Variants in HAO2 observed in about 807,000 individuals in gnomAD.
HAO2 encodes hydroxyacid oxidase 2.
Under a neutral mutation model 37.4 loss-of-function variants are expected in HAO2, and 42 were observed. That is an observed-to-expected ratio of 1.12 (90% CI 0.88 to 1.45). The LOEUF (loss-of-function observed/expected upper bound fraction) is 1.45. Ranked by LOEUF, HAO2 falls within the 40% of genes most tolerant of loss-of-function variation. HAO2 has a pLI of 0.00. For synonymous variants in HAO2, 180 were observed against 162.8 expected (o/e 1.11, Z -0.81); for missense variants, 476 against 430.2 (o/e 1.11, Z -0.94).
intron 5 of HAO2, among the ~76,000 whole-genome samples, chr1:119,387,573 G>A (rs187029610): frequency 3.3e-5 from 5 of 152,186 alleles, no homozygotes; most frequent in South Asian, 2.1e-4. Flanking sequence ...TATCACTAAC[G>A]TCAACATTTT....
At chr1:119,393,075 T>C (rs1651038815) in intron 7 of HAO2, among the ~76,000 whole-genome samples, 1 of 152,170 alleles carries the variant, frequency 6.6e-6, no homozygotes, top group African/African-American at 2.4e-5. Context: ...TTGTGAATAA[T>C]ACATTTTGCC....
At chr1:119,374,878 T>G (rs1181394095) in intron 1 of HAO2, among the ~76,000 whole-genome samples, 1 of 152,216 alleles carries the variant, frequency 6.6e-6, no homozygotes, top group Non-Finnish European at 1.5e-5. Context: ...ACTTCCTTCC[T>G]CCTTCCCTCA....
chr1:119,372,426 G>T (rs968235797), intron 1 of HAO2, among the ~76,000 whole-genome samples: 1 of 152,080 alleles, frequency 6.6e-6, no homozygotes, highest in African/African-American at 2.4e-5. Flanking sequence ...TTGACATAAG[G>T]GACTACATAG....
Position 119,392,671 on chromosome 1 carries a change from T to C in HAO2, c.984T>C (p.Thr328=). ...VLNILTNEFH[T]SMALTGCRSV... ...ACATTTTAACAAATGAGTTCCACAC[T>C]TCCATGGCCCTTACAGGTAAGTTAA... The change falls in exon 7 of 8, where the codon ACT becomes ACC. Residue 328 remains threonine (T), a synonymous_variant. Transcript: ENST00000325945. 1.2e-6 allele frequency: 2 copies of C among 1,601,554 alleles called. No homozygotes were observed. Among genetic ancestry groups the C allele is most frequent in the South Asian group, 1.1e-5 (1 of 90,792 alleles).
intron 3 of HAO2, among the ~76,000 whole-genome samples, chr1:119,384,239 C>A (rs952775851): frequency 1.3e-5 from 2 of 152,256 alleles, no homozygotes; most frequent in African/African-American, 4.8e-5. Flanking sequence ...ATTCAGTCTC[C>A]CAACAATCCT....
At chr1:119,369,641 G>C (rs150652697) in intron 1 of HAO2, among the ~76,000 whole-genome samples, 24 of 152,298 alleles carry the variant, frequency 1.6e-4, no homozygotes, top group African/African-American at 5.3e-4. Context: ...GAGATAGACA[G>C]TAATAACCTA....
intron 1 of HAO2, among the ~76,000 whole-genome samples, chr1:119,372,450 G>T (rs1649110356): frequency 6.6e-6 from 1 of 152,118 alleles, no homozygotes; most frequent in South Asian, 2.1e-4. Flanking sequence ...AATTATTTTT[G>T]GTTTGCAAAT....
intron 1 of HAO2, chr1:119,380,476 T>C (rs143116491): frequency 0.016 from 7,844 of 482,678 alleles, 145 homozygotes; most frequent in Admixed American, 0.021. Context: ...AACTTTGTCT[T>C]GTCCTTTCCC....
At chr1:119,391,682 T>C (rs587631891) in intron 5 of HAO2, among the ~76,000 whole-genome samples, 3 of 152,302 alleles carry the variant, frequency 2.0e-5, no homozygotes, top group African/African-American at 7.2e-5. Context: ...CAAGTGTACT[T>C]GTCTTGCCAA....
chr1:119,381,039 C>T (rs1649883419), intron 1 of HAO2, 39 bp from the exon 2 acceptor site: 1 of 1,590,844 alleles, frequency 6.3e-7, no homozygotes, highest in African/African-American at 1.3e-5. Context: ...CTGAAGTGTT[C>T]TCACTGGGTT....
chr1:119,388,479 G>C (rs950142654), intron 5 of HAO2, among the ~76,000 whole-genome samples: 1 of 152,210 alleles, frequency 6.6e-6, no homozygotes. Context: ...GGGCCAGGGA[G>C]AGGAGAATTT....
Position 119,381,184 on chromosome 1 carries a change from C to T in HAO2, c.99C>T (p.Ile33=), listed in dbSNP as rs764190345. 1.2e-5 allele frequency: 19 copies of T among 1,611,034 alleles called. No homozygotes were observed. In the East Asian group the frequency reaches 3.8e-4, roughly 32 times the overall value. ...DFIEGGADDS[I]TRDDNIAAFK... ...TTGAAGGTGGAGCAGATGACAGCAT[C>T]ACGCGGGATGACAACATTGCAGCAT... The change falls in exon 2 of 8, where the codon ATC becomes ATT. Residue 33 remains isoleucine (I), a synonymous_variant. Transcript: ENST00000325945.
intron 1 of HAO2, chr1:119,370,103 G>A (rs145398733): frequency 6.6e-6 from 1 of 152,122 alleles, no homozygotes; most frequent in Non-Finnish European, 1.5e-5. Flanking sequence ...CTTGAGGATG[G>A]AGGATCGCTG....
chr1:119,369,276 C>T lies in HAO2; in HGVS notation c.-9+374C>T, dbSNP rs111838997. 2.1e-4 allele frequency among the ~76,000 whole-genome samples: 32 copies of T among 152,196 alleles called. 1 individual carries two copies. Among genetic ancestry groups the T allele is most frequent in the African/African-American group, 4.3e-4 (18 of 41,498 alleles). On this transcript the variant is annotated intron_variant, in intron 1 of 7. Transcript: ENST00000325945. ...ATTTAGTATTCTGACCACTGCTTCC[C>T]GGCCACAAGCAAAAGAAAACAGTGA...
chr1:119,375,043 A>C (rs587745120), intron 1 of HAO2, among the ~76,000 whole-genome samples: 2 of 152,324 alleles, frequency 1.3e-5, no homozygotes, highest in South Asian at 2.1e-4. Context: ...AAATGAGCTA[A>C]AATTTCTAGA....
chr1:119,375,794 G>A (rs1649406434), intron 1 of HAO2, among the ~76,000 whole-genome samples: 1 of 152,122 alleles, frequency 6.6e-6, no homozygotes, highest in South Asian at 2.1e-4. Context: ...TGTGTGCAGG[G>A]GAACTGCCCT....
rs780510355 is a variant in HAO2 at position 119,385,631 on chromosome 1, AG to A, written c.561+582del. 18 of 985,192 alleles carry A rather than the reference AG, an allele frequency of 1.8e-5. No individual in the cohort carries two copies. The South Asian group carries it at 4.2e-4, about 23-fold the overall frequency. The allele number at this position is 985,192 out of a possible 1,614,324, so 61.0% of individuals were successfully genotyped here. A position where few individuals can be genotyped will look rare whatever the true frequency, so the allele number is the denominator to read the frequency against. On this transcript the variant is annotated intron_variant, in intron 4 of 7. Transcript: ENST00000325945. ...TAATCTCTGAACTAGGTGACTACAA[AG>A]GGGACCTTCCCCATTAAAATCCTAC...
Position 119,380,645 on chromosome 1 carries a change from G to A in HAO2, c.-8-433G>A, listed in dbSNP as rs374068950. On this transcript the variant is annotated intron_variant, in intron 1 of 7. Coordinates refer to ENST00000325945, the MANE Select transcript of HAO2 (RefSeq NM_016527.4). ...ATGACGTGGGCACATTGAAAGACAA[G>A]AGGCAGGCATGATCAGCCTTGAACT... The A allele has an allele frequency of 1.1e-4, 160 of 1,436,338 alleles. No individual in the cohort carries two copies. In the African/African-American group the frequency reaches 1.8e-3, roughly 17 times the overall value. The allele number at this position is 1,436,338 out of a possible 1,614,324, so 89.0% of individuals were successfully genotyped here.
Position 119,384,914 on chromosome 1 carries a change from T to TGG in HAO2, c.423_424insGG (p.Ile142GlyfsTer5). The TGG allele has an allele frequency of 6.2e-7, 1 of 1,614,064 alleles. No homozygotes were observed. The highest frequency in any genetic ancestry group is 8.5e-7 in the Non-Finnish European group (1 of 1,179,928). ...CCAGACCTGCAGCTGAACAAACAGT[T>TGG]GATCCAGAGGGTAGAATCCCTAGGT... On this transcript the variant is annotated frameshift_variant, in exon 4 of 8. Coordinates refer to ENST00000325945, the MANE Select transcript of HAO2 (RefSeq NM_016527.4). LOFTEE classifies it high-confidence loss of function.
Sources: allele counts gnomAD v4.1 joint callset (sites outside exome capture counted in the v4.1 genomes callset), GRCh38; gene constraint gnomAD v4.1.1; transcripts MANE v1.5; gene names NCBI Gene and HGNC (gene_info 2026-07-23, HGNC 2026-07-21).